Variants in RDH10 observed in about 807,000 individuals in gnomAD.
RDH10 encodes retinol dehydrogenase 10 (all-trans).
Under a neutral mutation model 30.2 loss-of-function variants are expected in RDH10, and 12 were observed. That is an observed-to-expected ratio of 0.40 (90% CI 0.25 to 0.64). The LOEUF (loss-of-function observed/expected upper bound fraction) is 0.64. Ranked by LOEUF, RDH10 falls within the 30% of genes least tolerant of loss-of-function variation. RDH10 has a pLI of 0.43. For missense variants in RDH10, 268 were observed against 445.2 expected (o/e 0.60, Z 3.58); for synonymous variants, 189 against 172.2 (o/e 1.10, Z -0.76).
chr8:73,294,709 G>C lies in RDH10; in HGVS notation c.-581G>C. ...GGCCGGGGAACGCGAGCCCTCGGGG[G>C]CAGCTGCAAGGCGTTGGGCAGCGCT... On this transcript the variant is annotated 5_prime_UTR_variant, in exon 1 of 6. Transcript: ENST00000240285. 2.7e-6 allele frequency: 1 copy of C among 370,502 alleles called. No homozygotes were observed. Among genetic ancestry groups the C allele is most frequent in the Non-Finnish European group, 4.8e-6 (1 of 208,418 alleles). 23.0% of individuals were successfully genotyped at this position (370,502 alleles called of 1,614,324 possible). A position where few individuals can be genotyped will look rare whatever the true frequency, so the allele number is the denominator to read the frequency against.
At chr8:73,304,873 G>C (rs1814440710) in intron 2 of RDH10, among the ~76,000 whole-genome samples, 1 of 152,194 alleles carries the variant, frequency 6.6e-6, no homozygotes, top group South Asian at 2.1e-4. Flanking sequence ...CTGTAAAATA[G>C]TCATGAAATT....
intron 2 of RDH10, among the ~76,000 whole-genome samples, chr8:73,305,645 GGAAA>G (rs55874030): frequency 0.21 from 31,863 of 151,978 alleles, 3,336 homozygotes; most frequent in Middle Eastern, 0.23. Context: ...ACTGGACCTG[GGAAA>G]GAAAGTCCTA....
intron 2 of RDH10, among the ~76,000 whole-genome samples, chr8:73,308,459 A>G (rs955114810): frequency 1.3e-5 from 2 of 152,212 alleles, no homozygotes; most frequent in Non-Finnish European, 2.9e-5. Flanking sequence ...CATAGTATAA[A>G]AGCCTCTATG....
chr8:73,295,698 C>T (rs1377739489), intron 1 of RDH10, 120 bp downstream of exon 1: 1 of 1,087,654 alleles, frequency 9.2e-7, no homozygotes, highest in Non-Finnish European at 1.3e-6. Context: ...AGGAACACCC[C>T]ACCGGTCTTT....
rs569653075 is a variant in RDH10, at chr8:73,317,078, A to G, written c.526-2018A>G. Among the ~76,000 whole-genome samples, 20 of 152,326 alleles carry G rather than the reference A, an allele frequency of 1.3e-4. No homozygotes were observed. In the South Asian group the frequency reaches 4.1e-3, roughly 32 times the overall value. On this transcript the variant is annotated intron_variant, in intron 2 of 5. Transcript: ENST00000240285. ...AAGGTAATTCTCCCTTAATATTTGGAAGATTGATCTGGGTCTTCCAGCTTA... is the reference window on the plus strand; with the variant it reads ...AAGGTAATTCTCCCTTAATATTTGGGAGATTGATCTGGGTCTTCCAGCTTA...
intron 2 of RDH10, among the ~76,000 whole-genome samples, chr8:73,305,159 G>A (rs145206306): frequency 1.3e-5 from 2 of 152,344 alleles, no homozygotes; most frequent in African/African-American, 4.8e-5. Context: ...GCCATTCATT[G>A]CAGGATTGGG....
Position 73,295,469 on chromosome 8 carries a change from G to T in RDH10, c.180G>T (p.Arg60=), listed in dbSNP as rs755748153. The change falls in exon 1 of 6, where the codon CGG becomes CGT. Residue 60 remains arginine, a synonymous_variant. Transcript: ENST00000240285. ...RLFALEFARR[R]ALLVLWDINT... Reference sequence around the variant, plus strand: ...TCGCGCTGGAGTTCGCCCGGCGTCGGGCGCTGCTGGTGCTGTGGGACATCA... The same window carrying T: ...TCGCGCTGGAGTTCGCCCGGCGTCGTGCGCTGCTGGTGCTGTGGGACATCA... 1.8e-5 allele frequency: 28 copies of T among 1,551,982 alleles called. 1 individual carries two copies. The highest frequency in any genetic ancestry group is 2.3e-5 in the Non-Finnish European group (27 of 1,149,118).
At chr8:73,306,267 T>C (rs563827837) in intron 2 of RDH10, among the ~76,000 whole-genome samples, 1 of 152,260 alleles carries the variant, frequency 6.6e-6, no homozygotes, top group Non-Finnish European at 1.5e-5. Flanking sequence ...GCCTATGCCA[T>C]CCCCACACTG....
intron 2 of RDH10, among the ~76,000 whole-genome samples, chr8:73,316,265 G>A (rs1172531043): frequency 6.6e-6 from 1 of 152,058 alleles, no homozygotes; most frequent in African/African-American, 2.4e-5. Flanking sequence ...TGATCCTCCC[G>A]CCTTAACCTC....
chr8:73,301,285 C>T (rs543226188), intron 2 of RDH10, among the ~76,000 whole-genome samples: 40 of 149,700 alleles, frequency 2.7e-4, no homozygotes, highest in African/African-American at 9.0e-4. Flanking sequence ...CTCCTGACCT[C>T]GTGATCCGCC....
chr8:73,295,530 C>G lies in RDH10; in HGVS notation c.241C>G (p.Arg81Gly). Residue 81 changes from arginine to glycine, a missense_variant, in exon 1 of 6, where the codon CGC becomes GGC. Arg to Gly is a moderately radical substitution (Grantham distance 125). This residue lies in a region of RDH10 where 42 missense variants were observed against 77.6 expected (regional missense o/e 0.54). Coordinates refer to ENST00000240285, the MANE Select transcript of RDH10 (RefSeq NM_172037.5). ...CAACGAGGAGACGGCTGGCATGGTGCGCCACATCTACCGCGACCTGGAGGC... is the reference window on the plus strand; with the variant it reads ...CAACGAGGAGACGGCTGGCATGGTGGGCCACATCTACCGCGACCTGGAGGC... ...QSNEETAGMV[R>G]HIYRDLEAAD... The G allele has an allele frequency of 1.3e-6, 2 of 1,554,078 alleles. No individual in the cohort carries two copies. Among genetic ancestry groups the G allele is most frequent in the Non-Finnish European group, 1.7e-6 (2 of 1,150,834 alleles).
rs764330437 is a variant in RDH10 at position 73,295,253 on chromosome 8, G to A, written c.-37G>A. On this transcript the variant is annotated 5_prime_UTR_variant, in exon 1 of 6. Transcript: ENST00000240285. ...TGCCGGGCTCGGGGTGGGCGCGGAC[G>A]CAGGCACTGGGCTCGTGCGGGGCCC... 2.0e-6 allele frequency: 3 copies of A among 1,511,994 alleles called. No homozygotes were observed. The highest frequency in any genetic ancestry group is 5.3e-5 in the East Asian group (2 of 37,528). The allele number at this position is 1,511,994 out of a possible 1,614,324, so 93.7% of individuals were successfully genotyped here.
At chr8:73,297,534 C>A in intron 2 of RDH10, 105 bp downstream of exon 2, 1 of 780,496 alleles carries the variant, frequency 1.3e-6, no homozygotes, top group East Asian at 2.5e-5. Flanking sequence ...TACTCTTTCG[C>A]CACAAGGTCT....
At position 73,324,270 on chromosome 8, in the gene RDH10, C is replaced by T. The variant is rs1814827275; in HGVS notation, c.*1234C>T. On this transcript the variant is annotated 3_prime_UTR_variant, in exon 6 of 6. Transcript: ENST00000240285. The stretch of plus-strand genomic sequence containing the variant: ...TAAAGATTCTTTTGAAAGGTTTATT[C>T]ACATTGTAGAACAGCAAATGACATT... 1 of 152,614 alleles carries T rather than the reference C, an allele frequency of 6.6e-6. No homozygotes were observed. Among genetic ancestry groups the T allele is most frequent in the Non-Finnish European group, 1.5e-5 (1 of 68,020 alleles). 9.5% of individuals were successfully genotyped at this position (152,614 alleles called of 1,614,324 possible). A position where few individuals can be genotyped will look rare whatever the true frequency, so the allele number is the denominator to read the frequency against.
chr8:73,316,333 G>T (rs1046842846), intron 2 of RDH10, among the ~76,000 whole-genome samples: 1 of 152,148 alleles, frequency 6.6e-6, no homozygotes, highest in Admixed American at 6.5e-5. Context: ...TTCTAGTTTA[G>T]ATTGGAATAT....
At chr8:73,320,443 T>C (rs1814745762) in intron 3 of RDH10, among the ~76,000 whole-genome samples, 1 of 143,982 alleles carries the variant, frequency 6.9e-6, no homozygotes, top group Non-Finnish European at 1.5e-5. Flanking sequence ...GGTTTGTGTT[T>C]TTTTTTTGTT....
In RDH10 at chr8:73,294,682, A is replaced by G. The variant is rs1814217188; in HGVS notation, c.-608A>G. 1.7e-5 allele frequency: 6 copies of G among 361,902 alleles called. No individual in the cohort carries two copies. Among genetic ancestry groups the G allele is most frequent in the Non-Finnish European group, 2.5e-5 (5 of 203,024 alleles). 22.4% of individuals were successfully genotyped at this position (361,902 alleles called of 1,614,324 possible). On this transcript the variant is annotated 5_prime_UTR_variant, in exon 1 of 6. Transcript: ENST00000240285. ...CCCGAGTGACACCCGCGGAGAGTGC[A>G]GGGCCGGGGAACGCGAGCCCTCGGG...
intron 2 of RDH10, among the ~76,000 whole-genome samples, chr8:73,310,031 T>A (rs2130368450): frequency 6.6e-6 from 1 of 152,342 alleles, no homozygotes; most frequent in South Asian, 2.1e-4. Context: ...TCCTGATGCC[T>A]GATTCTCCCA....
chr8:73,299,939 C>T (rs945672495), intron 2 of RDH10, among the ~76,000 whole-genome samples: 1 of 152,174 alleles, frequency 6.6e-6, no homozygotes, highest in Admixed American at 6.5e-5. Context: ...AGGAGGAAGT[C>T]AAATCAAATC....
Sources: gnomAD v4.1 joint callset for allele counts (sites outside exome capture counted in the v4.1 genomes callset) on GRCh38, gnomAD v4.1.1 for gene constraint, gnomAD v4.1.1 regional missense constraint, MANE v1.5 for transcripts, NCBI Gene and HGNC (gene_info 2026-07-23, HGNC 2026-07-21) for gene names.